TMEM120B: variants seen among roughly 807,000 people sequenced by gnomAD.
The protein encoded by TMEM120B is transmembrane protein 120B.
TMEM120B carries 31 observed loss-of-function variants against 55.5 expected under a neutral mutation model. The observed-to-expected ratio is 0.56, with a 90% CI of 0.42 to 0.75. The LOEUF (loss-of-function observed/expected upper bound fraction) is 0.75. Among genes scored for constraint, TMEM120B ranks in the 30% least tolerant of loss-of-function variants. The probability of loss-of-function intolerance (pLI) is 0.00; values close to 1 mark genes in which losing one functional copy is unlikely to be tolerated. For missense variants in TMEM120B, 399 were observed against 425.5 expected, an observed-to-expected ratio of 0.94 and a Z score of 0.55; for synonymous variants, 203 against 176.3, an observed-to-expected ratio of 1.15 and a Z score of -1.20.
rs772944076 is a variant in TMEM120B, at chr12:121,774,615, C to T, written c.773-43C>T. On this transcript the variant is annotated intron_variant, in intron 9 of 11. Coordinates refer to ENST00000449592, the MANE Select transcript of TMEM120B (RefSeq NM_001080825.2). The stretch of plus-strand genomic sequence containing the variant: ...GCGTCTGGTGGAGCTGTGGGGGCAG[C>T]GGACCCCCTCAGCGGGTCCTTTTTC... 62 of 1,577,826 alleles carry T rather than the reference C, an allele frequency of 3.9e-5. No homozygotes were observed. The East Asian group carries it at 7.0e-4, about 18-fold the overall frequency.
At chr12:121,745,516 C>G (rs986571366) in intron 2 of TMEM120B, among the ~76,000 whole-genome samples, 2 of 150,976 alleles carry the variant, frequency 1.3e-5, no homozygotes, top group South Asian at 2.1e-4. Context: ...CTCAGCCTCC[C>G]GAGTAGCTGG....
Position 121,780,479 on chromosome 12 carries a change from G to A in TMEM120B, c.*4757G>A, listed in dbSNP as rs1237806039. 2 of 345,716 alleles carry A rather than the reference G, an allele frequency of 5.8e-6. No individual in the cohort carries two copies. Among genetic ancestry groups the A allele is most frequent in the Non-Finnish European group, 1.1e-5 (2 of 189,146 alleles). The allele number at this position is 345,716 out of a possible 1,614,324, so 21.4% of individuals were successfully genotyped here. On this transcript the variant is annotated 3_prime_UTR_variant, in exon 12 of 12. Transcript: ENST00000449592. Reference sequence around the variant, plus strand: ...TTGCACGGTCAATTGGCCCGTGAAGGGGACGCCTACTTTCAAACAAGGCAG... The same window carrying A: ...TTGCACGGTCAATTGGCCCGTGAAGAGGACGCCTACTTTCAAACAAGGCAG...
chr12:121,761,755 C>T lies in TMEM120B; in HGVS notation c.551+17C>T, dbSNP rs1342104799. The T allele has an allele frequency of 6.2e-6, 10 of 1,604,464 alleles. No individual in the cohort carries two copies. The highest frequency in any genetic ancestry group is 6.8e-6 in the Non-Finnish European group (8 of 1,171,564). ...CGGCTCAAGGTACCTGGGCACCTGG[C>T]TTTGTGGGGAGCACAAGAGGAGTTA... On this transcript the variant is annotated intron_variant, in intron 6 of 11. Transcript: ENST00000449592.
At chr12:121,770,256 A>C (rs552876264) in intron 6 of TMEM120B, among the ~76,000 whole-genome samples, 3 of 151,860 alleles carry the variant, frequency 2.0e-5, no homozygotes, top group Non-Finnish European at 4.4e-5. Context: ...GTGTGTCCTC[A>C]TGTGGCCTTT....
At position 121,780,781 on chromosome 12, in the gene TMEM120B, A is replaced by G; in HGVS notation, c.*5059A>G. On this transcript the variant is annotated 3_prime_UTR_variant, in exon 12 of 12. Transcript: ENST00000449592. ...GAATCTTGCTTCCCTCAGCTCCCTG[A>G]AAGGCCACTAAGGCACCCCAGTTGC... 1 of 1,429,852 alleles carries G rather than the reference A, an allele frequency of 7.0e-7. No individual in the cohort carries two copies. Among genetic ancestry groups the G allele is most frequent in the South Asian group, 1.3e-5 (1 of 74,732 alleles). 88.6% of individuals were successfully genotyped at this position (1,429,852 alleles called of 1,614,324 possible). A position where few individuals can be genotyped will look rare whatever the true frequency, so the allele number is the denominator to read the frequency against.
At chr12:121,746,291 G>A (rs575826991) in intron 2 of TMEM120B, among the ~76,000 whole-genome samples, 78 of 151,546 alleles carry the variant, frequency 5.1e-4, no homozygotes, top group East Asian at 3.1e-3. Flanking sequence ...GGGTTCAAGC[G>A]ATTCTCCTGC....
chr12:121,730,856 G>T (rs998758868), intron 1 of TMEM120B, among the ~76,000 whole-genome samples: 1 of 151,610 alleles, frequency 6.6e-6, no homozygotes, highest in African/African-American at 2.4e-5. Flanking sequence ...TACTCGGGAG[G>T]CTGAGGCAGG....
rs373310995 is a variant in TMEM120B at position 121,762,227 on chromosome 12, C to G, written c.551+489C>G. Among the ~76,000 whole-genome samples the G allele has an allele frequency of 1.5e-4, 22 of 150,808 alleles. No individual in the cohort carries two copies. In the South Asian group the frequency reaches 4.4e-3, roughly 30 times the overall value. On this transcript the variant is annotated intron_variant, in intron 6 of 11. Coordinates refer to ENST00000449592, the MANE Select transcript of TMEM120B (RefSeq NM_001080825.2). ...GGCAGAGGTTGCAGTGAGCTGAGAT[C>G]GCACCATTGCACTCCAGCCCAGGGA...
chr12:121,742,673 C>T (rs1872966919), intron 1 of TMEM120B, among the ~76,000 whole-genome samples: 1 of 149,512 alleles, frequency 6.7e-6, no homozygotes, highest in Non-Finnish European at 1.5e-5. Flanking sequence ...GCAACCTCCG[C>T]CCCCTGGGTT....
intron 1 of TMEM120B, among the ~76,000 whole-genome samples, chr12:121,731,231 C>T (rs1012524083): frequency 6.6e-6 from 1 of 152,068 alleles, no homozygotes; most frequent in African/African-American, 2.4e-5. Context: ...GTACCTTTTT[C>T]TGTGTTTAGA....
At chr12:121,718,884 G>C (rs1894746619) in intron 1 of TMEM120B, among the ~76,000 whole-genome samples, 1 of 152,176 alleles carries the variant, frequency 6.6e-6, no homozygotes, top group South Asian at 2.1e-4. Flanking sequence ...GTCTGTGTCT[G>C]TGTGTGGATG....
intron 5 of TMEM120B, among the ~76,000 whole-genome samples, chr12:121,759,147 G>A (rs536570435): frequency 2.0e-4 from 30 of 147,208 alleles, no homozygotes; most frequent in South Asian, 6.5e-4. Context: ...CTGAGGTGGA[G>A]TCTCGCTCAC....
At chr12:121,722,202 G>A (rs1384010352) in intron 1 of TMEM120B, among the ~76,000 whole-genome samples, 3 of 151,260 alleles carry the variant, frequency 2.0e-5, no homozygotes, top group African/African-American at 7.3e-5. Flanking sequence ...GGGTTCAAGC[G>A]ATTCTTCTGC....
At chr12:121,723,633 G>T (rs1216826955) in intron 1 of TMEM120B, among the ~76,000 whole-genome samples, 1 of 152,156 alleles carries the variant, frequency 6.6e-6, no homozygotes, top group Non-Finnish European at 1.5e-5. Context: ...CTCAACTGGA[G>T]GGCAGTTCCT....
At chr12:121,753,777 C>T (rs577253962) in intron 5 of TMEM120B, among the ~76,000 whole-genome samples, 74 of 152,294 alleles carry the variant, frequency 4.9e-4, no homozygotes, top group Non-Finnish European at 7.2e-4. Context: ...GGGCAGGTTC[C>T]CTCTGGGAGC....
chr12:121,737,734 G>A (rs1031840256), intron 1 of TMEM120B, among the ~76,000 whole-genome samples: 1 of 151,926 alleles, frequency 6.6e-6, no homozygotes, highest in African/African-American at 2.4e-5. Flanking sequence ...AAGTTGCCAG[G>A]TGCAGTGTCT....
At chr12:121,723,473 C>T (rs1034216751) in intron 1 of TMEM120B, among the ~76,000 whole-genome samples, 2 of 152,154 alleles carry the variant, frequency 1.3e-5, no homozygotes, top group African/African-American at 4.8e-5. Flanking sequence ...CAGAGCTTGG[C>T]ACAAGCTTGT....
In TMEM120B at chr12:121,730,647, CAA is replaced by C. The variant is rs71079088; in HGVS notation, c.70-12967_70-12966del. 6.5e-4 allele frequency among the ~76,000 whole-genome samples: 61 copies of C among 94,500 alleles called. 1 individual carries two copies. The highest frequency in any genetic ancestry group is 2.3e-3 in the East Asian group (8 of 3,490). 62.0% of individuals were successfully genotyped at this position (94,500 alleles called of 152,430 possible). A position where few individuals can be genotyped will look rare whatever the true frequency, so the allele number is the denominator to read the frequency against. On this transcript the variant is annotated intron_variant, in intron 1 of 11. Transcript: ENST00000449592. ...GCCTGGCGACAGAGCGAGACACAGT[CAA>C]AAAAAAAAAAAAAACAAACAAAAAA...
chr12:121,765,204 A>G (rs754335189), intron 6 of TMEM120B, among the ~76,000 whole-genome samples: 12 of 141,926 alleles, frequency 8.5e-5, no homozygotes, highest in Non-Finnish European at 1.6e-4. Context: ...TTCTCGGCTC[A>G]CTGCAGCCTC....
Sources: allele counts gnomAD v4.1 joint callset (sites outside exome capture counted in the v4.1 genomes callset), GRCh38; gene constraint gnomAD v4.1.1; transcripts MANE v1.5; gene names NCBI Gene and HGNC (gene_info 2026-07-23, HGNC 2026-07-21).